The following HPSE2 variants were observed in gnomAD, a reference collection of about 807,000 sequenced individuals.
HPSE2 encodes the protein heparanase 2 (inactive).
HPSE2 carries 38 observed loss-of-function variants against 60.5 expected under a neutral mutation model. The observed-to-expected ratio is 0.63, with a 90% CI of 0.48 to 0.82. The LOEUF is 0.82. HPSE2 is among the 40% of genes least tolerant of loss of function. The probability of loss-of-function intolerance (pLI) is 0.00; values close to 1 mark genes in which losing one functional copy is unlikely to be tolerated. For synonymous variants in HPSE2, 295 were observed against 293.2 expected (o/e 1.01, Z -0.06); for missense variants, 713 against 740.4 (o/e 0.96, Z 0.43).
intron 3 of HPSE2, among the ~76,000 whole-genome samples, chr10:98,940,888 A>C (rs1252215290): frequency 4.5e-5 from 6 of 132,078 alleles, no homozygotes; most frequent in African/African-American, 2.0e-4. Flanking sequence ...ATCCACCATA[A>C]TCAAGTGGGC....
intron 3 of HPSE2, chr10:99,013,473 GATTATT>G: frequency 1.4e-5 from 6 of 418,744 alleles, no homozygotes; most frequent in Non-Finnish European, 2.3e-5. Flanking sequence ...TTATGATTAT[GATTATT>G]ATTATTATTT....
intron 9 of HPSE2, among the ~76,000 whole-genome samples, chr10:98,561,829 T>C (rs529925850): frequency 6.7e-4 from 101 of 149,672 alleles, no homozygotes; most frequent in African/African-American, 2.3e-3. Flanking sequence ...GCCTGGGCGA[T>C]AGAGCTAAAC....
At chr10:98,963,988 A>G (rs1589435386) in intron 3 of HPSE2, among the ~76,000 whole-genome samples, 2 of 152,200 alleles carry the variant, frequency 1.3e-5, no homozygotes, top group African/African-American at 4.8e-5. Flanking sequence ...AATATTTCAC[A>G]TTATAATGCA....
intron 3 of HPSE2, chr10:99,012,958 A>G: frequency 3.2e-6 from 1 of 312,166 alleles, no homozygotes; most frequent in South Asian, 4.2e-5. Context: ...TTGTTTTCAA[A>G]TAAGTGGTCT....
chr10:98,964,226 C>T (rs1955756799), intron 3 of HPSE2, among the ~76,000 whole-genome samples: 1 of 152,094 alleles, frequency 6.6e-6, no homozygotes, highest in East Asian at 1.9e-4. Flanking sequence ...TTATTTTCTC[C>T]TTCCCTTTTC....
chr10:98,582,454 C>T (rs1165369294), intron 9 of HPSE2, among the ~76,000 whole-genome samples: 1 of 152,086 alleles, frequency 6.6e-6, no homozygotes, highest in African/African-American at 2.4e-5. Flanking sequence ...AAAATGATCC[C>T]CTTCTGGGTG....
intron 3 of HPSE2, among the ~76,000 whole-genome samples, chr10:98,829,871 T>A (rs1017986552): frequency 6.6e-6 from 1 of 152,204 alleles, no homozygotes; most frequent in African/African-American, 2.4e-5. Context: ...TTTTAAAATT[T>A]TATTTCTTCT....
At chr10:99,299,546 G>A in the HPSE2 span, among the ~76,000 whole-genome samples, 130,503 of 152,134 alleles carry the variant, frequency 0.86, 56,361 homozygotes, top group African/African-American at 0.93. Context: ...TACAGGAAAA[G>A]CAAAGAATTC....
At chr10:99,105,293 A>G (rs1383653851) in intron 3 of HPSE2, among the ~76,000 whole-genome samples, 1 of 152,232 alleles carries the variant, frequency 6.6e-6, no homozygotes, top group East Asian at 1.9e-4. Flanking sequence ...ATGTGCACTG[A>G]TATCATATTG....
chr10:98,597,083 T>A (rs1425213316), intron 9 of HPSE2, among the ~76,000 whole-genome samples: 4 of 152,036 alleles, frequency 2.6e-5, no homozygotes, highest in Admixed American at 6.6e-5. Flanking sequence ...CCATCAGCTC[T>A]CATGAGAACT....
At chr10:98,832,553 A>C (rs1421132589) in intron 3 of HPSE2, among the ~76,000 whole-genome samples, 2 of 152,202 alleles carry the variant, frequency 1.3e-5, no homozygotes, top group East Asian at 1.9e-4. Context: ...AAATGAGTTC[A>C]GTTTGGAGGA....
intron 3 of HPSE2, among the ~76,000 whole-genome samples, chr10:98,893,777 T>G (rs561373662): frequency 7.2e-5 from 11 of 151,936 alleles, no homozygotes; most frequent in Admixed American, 5.2e-4. Flanking sequence ...AGACCCTGAG[T>G]GGTATTTGAC....
chr10:98,656,525 T>G (rs1379757993), intron 6 of HPSE2, among the ~76,000 whole-genome samples: 1 of 152,218 alleles, frequency 6.6e-6, no homozygotes, highest in Non-Finnish European at 1.5e-5. Flanking sequence ...AAAGAGCATT[T>G]CTATTATACC....
At position 99,153,454 on chromosome 10, in the gene HPSE2, G is replaced by A. The variant is rs543440026; in HGVS notation, c.449-9055C>T. Reference sequence around the variant, plus strand: ...AGTGGGTCCCTGACCCCTGACCCCCGAGCAGCCTAACTGGGAGGCACCCCC... The same window carrying A: ...AGTGGGTCCCTGACCCCTGACCCCCAAGCAGCCTAACTGGGAGGCACCCCC... On this transcript the variant is annotated intron_variant, in intron 2 of 11. Transcript: ENST00000370552. 4.2e-3 allele frequency among the ~76,000 whole-genome samples: 641 copies of A among 152,274 alleles called. 3 individuals are homozygous for A. Among genetic ancestry groups the A allele is most frequent in the Non-Finnish European group, 4.4e-3 (300 of 68,022 alleles).
intron 3 of HPSE2, among the ~76,000 whole-genome samples, chr10:99,016,891 A>G (rs1957155513): frequency 6.6e-6 from 1 of 152,042 alleles, no homozygotes; most frequent in South Asian, 2.1e-4. Flanking sequence ...GTATCCTGGG[A>G]CTTTGCTGAA....
chr10:98,995,049 A>G (rs1956613091), intron 3 of HPSE2, among the ~76,000 whole-genome samples: 1 of 152,176 alleles, frequency 6.6e-6, no homozygotes, highest in African/African-American at 2.4e-5. Context: ...CATGTCCAGG[A>G]GCTTTTCCCA....
chr10:99,127,545 GA>G (rs1845209982), intron 3 of HPSE2, among the ~76,000 whole-genome samples: 1 of 152,182 alleles, frequency 6.6e-6, no homozygotes, highest in African/African-American at 2.4e-5. Flanking sequence ...AGGAAGAAGA[GA>G]AATCTAAAAG....
chr10:99,235,753 C>T lies in HPSE2; in HGVS notation c.50G>A (p.Arg17His), dbSNP rs200747591. 2 of 1,613,734 alleles carry T rather than the reference C, an allele frequency of 1.2e-6. No homozygotes were observed. Among genetic ancestry groups the T allele is most frequent in the Non-Finnish European group, 1.7e-6 (2 of 1,179,896 alleles). Reference protein sequence around the residue: ...FPEAMPSSNSRPPACLAPGAL... With the variant: ...FPEAMPSSNSHPPACLAPGAL... ...CCCCGGGGCTAGGCACGCGGGGGGG[C>T]GGGAGTTGCTGGAGGGCATGGCTTC... The change falls in exon 1 of 12, where the codon CGC becomes CAC. Residue 17 changes from arginine to histidine, a missense_variant. By Grantham distance (29) the Arg-to-His change is conservative. Coordinates refer to ENST00000370552, the MANE Select transcript of HPSE2 (RefSeq NM_021828.5).
intron 10 of HPSE2, among the ~76,000 whole-genome samples, chr10:98,485,679 C>T (rs1205123627): frequency 6.6e-6 from 1 of 152,200 alleles, no homozygotes; most frequent in Non-Finnish European, 1.5e-5. Flanking sequence ...GAGGAAGACA[C>T]CATTAATTGC....
Sources: gnomAD v4.1 joint callset for allele counts (sites outside exome capture counted in the v4.1 genomes callset) on GRCh38, gnomAD v4.1.1 for gene constraint, MANE v1.5 for transcripts, NCBI Gene and HGNC (gene_info 2026-07-23, HGNC 2026-07-21) for gene names.